Variants in FBXO4 observed in about 807,000 individuals in gnomAD.
FBXO4 encodes F-box protein 4, also known as F-box only protein 4.
Under a neutral mutation model 43.7 loss-of-function variants are expected in FBXO4, and 36 were observed. That is an observed-to-expected ratio of 0.82 (90% CI 0.63 to 1.09). The LOEUF is 1.09. Among genes scored for constraint, FBXO4 ranks in the 50% least tolerant of loss-of-function variants. The pLI, the probability that FBXO4 is intolerant of heterozygous loss-of-function variation, is 0.00. For missense variants in FBXO4, 435 were observed against 474.1 expected, an observed-to-expected ratio of 0.92 and a Z score of 0.77; for synonymous variants, 180 against 165.6, an observed-to-expected ratio of 1.09 and a Z score of -0.67.
the FBXO4 span, among the ~76,000 whole-genome samples, chr5:42,023,288 A>T: frequency 6.6e-6 from 1 of 152,068 alleles, no homozygotes; most frequent in African/African-American, 2.4e-5. Context: ...AAACCTACCA[A>T]GAGGGTTGAG....
chr5:41,953,712 C>T, the FBXO4 span, among the ~76,000 whole-genome samples: 20 of 151,914 alleles, frequency 1.3e-4, no homozygotes, highest in South Asian at 4.2e-3. Flanking sequence ...GCTGGTATCT[C>T]ATTGTGGTTT....
the FBXO4 span, among the ~76,000 whole-genome samples, chr5:41,955,596 A>T: frequency 6.6e-6 from 1 of 152,226 alleles, no homozygotes; most frequent in Non-Finnish European, 1.5e-5. Flanking sequence ...AGTTGAGAAG[A>T]TAAAACTGGG....
At chr5:42,025,084 A>G in the FBXO4 span, among the ~76,000 whole-genome samples, 1 of 151,518 alleles carries the variant, frequency 6.6e-6, no homozygotes, top group African/African-American at 2.4e-5. Context: ...GGATTGCTGG[A>G]TCATATGGTA....
rs1431052587 is a variant in FBXO4 at position 41,934,024 on chromosome 5, A to T, written c.722+3A>T. ...CTAATCTTATATTCAACTACCAGGT[A>T]AGGCTACATACTTGGTGGCTTAACT... On this transcript the variant is annotated splice_donor_region_variant and intron_variant, in intron 4 of 6. Transcript: ENST00000281623. 1 of 1,613,584 alleles carries T rather than the reference A, an allele frequency of 6.2e-7. No individual in the cohort carries two copies. The highest frequency in any genetic ancestry group is 8.5e-7 in the Non-Finnish European group (1 of 1,179,608).
Position 41,929,901 on chromosome 5 carries a change from T to C in FBXO4, c.630T>C (p.Pro210=). 5.0e-6 allele frequency: 8 copies of C among 1,610,852 alleles called. No homozygotes were observed. The highest frequency in any genetic ancestry group is 6.8e-6 in the Non-Finnish European group (8 of 1,178,950). Residue 210 remains proline (P), a synonymous_variant, in exon 3 of 7, where the codon CCT becomes CCC. Coordinates refer to ENST00000281623, the MANE Select transcript of FBXO4 (RefSeq NM_012176.3). ...AACTTTGCCCAACAGCTGGTTTGCC[T>C]CAGAGGCAGATTGATGGTAATTTTC... is the stretch of plus-strand genomic sequence containing the variant. ...SEELCPTAGL[P]QRQIDGIGSG...
the FBXO4 span, among the ~76,000 whole-genome samples, chr5:42,026,662 GT>G: frequency 6.6e-6 from 1 of 151,728 alleles, no homozygotes; most frequent in Admixed American, 6.6e-5. Flanking sequence ...AAGGATTTCC[GT>G]TTTTCCCCAT....
chr5:42,034,035 G>T, the FBXO4 span, among the ~76,000 whole-genome samples: 3 of 152,076 alleles, frequency 2.0e-5, no homozygotes, highest in Non-Finnish European at 4.4e-5. Context: ...TATTGTTTTT[G>T]ACTTTTTAAT....
chr5:41,959,916 A>G, the FBXO4 span, among the ~76,000 whole-genome samples: 1 of 152,194 alleles, frequency 6.6e-6, no homozygotes, highest in African/African-American at 2.4e-5. Context: ...GAATTTGTAT[A>G]GGGATTTTTT....
the FBXO4 span, among the ~76,000 whole-genome samples, chr5:42,006,877 G>A: frequency 1.5e-5 from 1 of 67,466 alleles, no homozygotes; most frequent in Non-Finnish European, 2.8e-5. Flanking sequence ...ACATTCCTAA[G>A]GTTCATGCTG....
chr5:42,019,101 G>A, the FBXO4 span, among the ~76,000 whole-genome samples: 1 of 152,074 alleles, frequency 6.6e-6, no homozygotes, highest in Non-Finnish European at 1.5e-5. Flanking sequence ...CAGTACATTT[G>A]AAGTTAAGTT....
intron 5 of FBXO4, 60 bp downstream of exon 5, chr5:41,934,368 C>G: frequency 6.2e-7 from 1 of 1,605,666 alleles, no homozygotes; most frequent in Non-Finnish European, 8.5e-7. Context: ...ATGGAAAATA[C>G]CTTTTTAGAC....
chr5:41,931,049 G>T (rs1751673852), intron 3 of FBXO4, among the ~76,000 whole-genome samples: 1 of 152,194 alleles, frequency 6.6e-6, no homozygotes. Context: ...TATGTGAAAA[G>T]ACACATATGT....
the FBXO4 span, among the ~76,000 whole-genome samples, chr5:41,973,648 T>A: frequency 6.6e-6 from 1 of 152,248 alleles, no homozygotes. Context: ...GCCGCTGCAC[T>A]CCAGCCTGGG....
chr5:41,949,718 A>C, the FBXO4 span, among the ~76,000 whole-genome samples: 2 of 152,230 alleles, frequency 1.3e-5, no homozygotes, highest in Non-Finnish European at 2.9e-5. Context: ...AAACTACTTT[A>C]AAGTTCATAT....
chr5:42,036,126 A>C, the FBXO4 span, among the ~76,000 whole-genome samples: 10 of 152,140 alleles, frequency 6.6e-5, no homozygotes, highest in African/African-American at 2.2e-4. Flanking sequence ...TTTGAGAACC[A>C]CTGGGGTAGA....
the FBXO4 span, among the ~76,000 whole-genome samples, chr5:42,008,750 T>A: frequency 6.6e-6 from 1 of 152,180 alleles, no homozygotes; most frequent in Non-Finnish European, 1.5e-5. Flanking sequence ...TAATGTGTGA[T>A]TCTTGGATTT....
the FBXO4 span, among the ~76,000 whole-genome samples, chr5:41,997,287 C>G: frequency 6.6e-6 from 1 of 152,364 alleles, no homozygotes; most frequent in Admixed American, 6.5e-5. Flanking sequence ...TGATCCATCT[C>G]TTTTCTGCAC....
chr5:42,023,097 G>T, the FBXO4 span, among the ~76,000 whole-genome samples: 1 of 151,940 alleles, frequency 6.6e-6, no homozygotes. Context: ...TAATGATTTG[G>T]GACTGTGGTG....
At chr5:42,015,010 T>C in the FBXO4 span, among the ~76,000 whole-genome samples, 3 of 152,118 alleles carry the variant, frequency 2.0e-5, no homozygotes, top group Non-Finnish European at 4.4e-5. Flanking sequence ...ACAAGGTGAG[T>C]GTACCAAAAA....
Sources: gnomAD v4.1 joint callset for allele counts (sites outside exome capture counted in the v4.1 genomes callset) on GRCh38, gnomAD v4.1.1 for gene constraint, MANE v1.5 for transcripts, NCBI Gene and HGNC (gene_info 2026-07-23, HGNC 2026-07-21) for gene names.